The following NUP205 variants were observed in gnomAD, a reference collection of about 807,000 sequenced individuals.
NUP205 encodes nuclear pore complex protein Nup205.
Under a neutral mutation model 253.8 loss-of-function variants are expected in NUP205, and 76 were observed. That is an observed-to-expected ratio of 0.30 (90% CI 0.25 to 0.36). The LOEUF (loss-of-function observed/expected upper bound fraction) is 0.36. Ranked by LOEUF, NUP205 falls within the 10% of genes least tolerant of loss-of-function variation. The probability of loss-of-function intolerance (pLI) is 1.00; values close to 1 mark genes in which losing one functional copy is unlikely to be tolerated. For synonymous variants in NUP205, 832 were observed against 850.1 expected (o/e 0.98, Z 0.37); for missense variants, 2,162 against 2,425.5 (o/e 0.89, Z 2.28).
In NUP205 at chr7:135,619,873, G is replaced by C; in HGVS notation, c.4315G>C (p.Asp1439His). ...GATTGCCCAGAGACCTGATGAACCA[G>C]ACACCTTAGAAGCAGGTAGAATGAG... ...LQIAQRPDEP[D>H]TLEAAKKTMW... Residue 1439 changes from aspartate to histidine, a missense_variant, in exon 30 of 43, where the codon GAC (aspartate) becomes CAC (histidine). Asp to His is a moderately conservative substitution (Grantham distance 81, BLOSUM62 -1). Coordinates refer to ENST00000285968, the MANE Select transcript of NUP205 (RefSeq NM_015135.3). The C allele has an allele frequency of 3.1e-6, 5 of 1,608,980 alleles. No individual in the cohort carries two copies. The highest frequency in any genetic ancestry group is 4.3e-6 in the Non-Finnish European group (5 of 1,175,762).
rs916593761 is a variant in NUP205 at position 135,572,489 on chromosome 7, A to G, written c.172-1165A>G. ...TTTCTGCATCTTGAAATTCTTTGCAATAGCAATAGGGTACTTTAGTGGAGG... is the reference window on the plus strand; with the variant it reads ...TTTCTGCATCTTGAAATTCTTTGCAGTAGCAATAGGGTACTTTAGTGGAGG... On this transcript the variant is annotated intron_variant, in intron 2 of 42. Coordinates refer to ENST00000285968, the MANE Select transcript of NUP205 (RefSeq NM_015135.3). Among the ~76,000 whole-genome samples the G allele has an allele frequency of 1.5e-4, 23 of 152,322 alleles. 1 individual carries two copies. The South Asian group carries it at 1.7e-3, about 11-fold the overall frequency.
intron 10 of NUP205, 55 bp from the exon 11 acceptor site, chr7:135,591,395 T>C: frequency 6.7e-7 from 1 of 1,497,624 alleles, no homozygotes; most frequent in Non-Finnish European, 9.3e-7. Context: ...CTAGTCCGTG[T>C]TGCCTTAAAG....
intron 22 of NUP205, among the ~76,000 whole-genome samples, chr7:135,607,769 T>G (rs1288067502): frequency 6.6e-6 from 1 of 152,084 alleles, no homozygotes; most frequent in Admixed American, 6.6e-5. Flanking sequence ...AACTGTGAAA[T>G]GGACTGTTGA....
At chr7:135,608,907 C>T (rs1794155577) in intron 22 of NUP205, among the ~76,000 whole-genome samples, 1 of 151,800 alleles carries the variant, frequency 6.6e-6, no homozygotes, top group Non-Finnish European at 1.5e-5. Flanking sequence ...TAGAGACCAG[C>T]CTGGCCAACA....
At chr7:135,574,169 C>T (rs1379683143) in intron 3 of NUP205, among the ~76,000 whole-genome samples, 1 of 152,062 alleles carries the variant, frequency 6.6e-6, no homozygotes, top group Admixed American at 6.6e-5. Context: ...GGAAGGAAGG[C>T]TTCAGTTTAG....
At chr7:135,575,235 T>C (rs34362727) in intron 3 of NUP205, among the ~76,000 whole-genome samples, 13,521 of 152,256 alleles carry the variant, frequency 0.089, 761 homozygotes, top group Non-Finnish European at 0.14. Context: ...TGGTATTAGA[T>C]GGACCTTGAT....
At chr7:135,622,651 T>C (rs1264834251) in intron 30 of NUP205, 126 bp from the exon 31 acceptor site, 14 of 840,576 alleles carry the variant, frequency 1.7e-5, no homozygotes, top group Non-Finnish European at 2.5e-5. Flanking sequence ...CAAGCAGTGA[T>C]GGAAGGATTT....
At chr7:135,594,271 C>T (rs748747883) in intron 12 of NUP205, among the ~76,000 whole-genome samples, 3 of 152,014 alleles carry the variant, frequency 2.0e-5, no homozygotes, top group African/African-American at 4.8e-5. Flanking sequence ...CCAACCCTTG[C>T]GGACCATTTA....
At chr7:135,643,143 A>T (rs749924142) in intron 38 of NUP205, 49 bp from the exon 39 acceptor site, 1 of 1,544,218 alleles carries the variant, frequency 6.5e-7, no homozygotes. Context: ...TGAAATTCAT[A>T]TGAAATGCTT....
At chr7:135,566,883 G>A (rs1805776233) in intron 1 of NUP205, among the ~76,000 whole-genome samples, 1 of 151,506 alleles carries the variant, frequency 6.6e-6, no homozygotes, top group South Asian at 2.1e-4. Flanking sequence ...GACTACAGGT[G>A]CGCACCACCA....
intron 6 of NUP205, 54 bp downstream of exon 6, chr7:135,578,078 G>C: frequency 7.6e-7 from 1 of 1,319,934 alleles, no homozygotes; most frequent in South Asian, 1.2e-5. Context: ...TAAAATTGTG[G>C]GGATAACATT....
chr7:135,593,309 G>C (rs1584658912), intron 12 of NUP205, 117 bp downstream of exon 12: 2 of 894,856 alleles, frequency 2.2e-6, no homozygotes, highest in Admixed American at 5.3e-5. Context: ...TAGATAGACA[G>C]ATATATAGCA....
chr7:135,577,679 A>G, intron 5 of NUP205, 117 bp from the exon 6 acceptor site: 2 of 687,004 alleles, frequency 2.9e-6, no homozygotes, highest in Non-Finnish European at 4.9e-6. Flanking sequence ...TCTTAGGATC[A>G]CTTGTGGATT....
At position 135,622,896 on chromosome 7, in the gene NUP205, G is replaced by A; in HGVS notation, c.4450G>A (p.Asp1484Asn). The change falls in exon 31 of 43, where the codon GAT becomes AAT. Residue 1484 changes from aspartate to asparagine, a missense_variant. By Grantham distance (23) the Asp-to-Asn change is conservative. Around this residue, in one of 5 missense-constraint regions of NUP205, gnomAD observed 1,144 missense variants for 1,280.9 expected, o/e 0.89. Coordinates refer to ENST00000285968, the MANE Select transcript of NUP205 (RefSeq NM_015135.3). The part of the protein sequence containing the change: ...GAALMEVVCR[D>N]ACDGHEIGRM... ...CGCCCTCATGGAAGTGGTCTGTCGA[G>A]ATGCTTGTGATGGTCATGAGATTGG... 6.2e-7 allele frequency: 1 copy of A among 1,614,128 alleles called. No individual in the cohort carries two copies. The highest frequency in any genetic ancestry group is 8.5e-7 in the Non-Finnish European group (1 of 1,180,014).
intron 2 of NUP205, among the ~76,000 whole-genome samples, chr7:135,572,578 G>T (rs1437084391): frequency 6.6e-6 from 1 of 152,138 alleles, no homozygotes; most frequent in Non-Finnish European, 1.5e-5. Context: ...GTATGTGTTT[G>T]TGTGTCAGAG....
Position 135,607,311 on chromosome 7 carries a change from A to G in NUP205, c.3135A>G (p.Glu1045=), listed in dbSNP as rs1794106374. The change falls in exon 22 of 43, where the codon GAA becomes GAG. Residue 1045 remains glutamate, a synonymous_variant. Coordinates refer to ENST00000285968, the MANE Select transcript of NUP205 (RefSeq NM_015135.3). ...TAAACATCTTGGAGAAAGGAACGGAAGGGAGAACAGGCCCAGTGGCGGTGC... is the reference window on the plus strand; with the variant it reads ...TAAACATCTTGGAGAAAGGAACGGAGGGGAGAACAGGCCCAGTGGCGGTGC... The part of the protein sequence containing the change: ...AILNILEKGT[E]GRTGPVAVRE... 6.2e-7 allele frequency: 1 copy of G among 1,614,054 alleles called. No individual in the cohort carries two copies. Among genetic ancestry groups the G allele is most frequent in the African/African-American group, 1.3e-5 (1 of 74,954 alleles).
chr7:135,633,639 C>T (rs924837576), intron 35 of NUP205, among the ~76,000 whole-genome samples: 2 of 151,854 alleles, frequency 1.3e-5, no homozygotes, highest in African/African-American at 2.4e-5. Context: ...GACAAGGTCT[C>T]ACTATGTTGC....
At chr7:135,581,772 G>A (rs1192197560) in intron 7 of NUP205, among the ~76,000 whole-genome samples, 1 of 150,524 alleles carries the variant, frequency 6.6e-6, no homozygotes, top group East Asian at 2.0e-4. Context: ...AGAATTGCTT[G>A]AACCTAGTGG....
intron 13 of NUP205, among the ~76,000 whole-genome samples, chr7:135,596,543 T>C (rs915034114): frequency 1.3e-5 from 2 of 152,142 alleles, no homozygotes; most frequent in Non-Finnish European, 2.9e-5. Flanking sequence ...TGCAAGAAAG[T>C]AAAGTATCAT....
Sources: gnomAD v4.1 joint callset for allele counts (sites outside exome capture counted in the v4.1 genomes callset) on GRCh38, gnomAD v4.1.1 for gene constraint, gnomAD v4.1.1 regional missense constraint, MANE v1.5 for transcripts, NCBI Gene and HGNC (gene_info 2026-07-23, HGNC 2026-07-21) for gene names.